Variants in DCUN1D3 observed in about 807,000 individuals in gnomAD.
The protein encoded by DCUN1D3 is DCN1-like protein 3.
Under a neutral mutation model 24.8 loss-of-function variants are expected in DCUN1D3, and 6 were observed. That is an observed-to-expected ratio of 0.24 (90% CI 0.13 to 0.48). DCUN1D3 has a LOEUF of 0.48. Ranked by LOEUF, DCUN1D3 falls within the 20% of genes least tolerant of loss-of-function variation. The pLI, the probability that DCUN1D3 is intolerant of heterozygous loss-of-function variation, is 0.99. For missense variants in DCUN1D3, 258 were observed against 379.4 expected (o/e 0.68, Z 2.66); for synonymous variants, 120 against 144.9 (o/e 0.83, Z 1.24).
intron 1 of DCUN1D3, among the ~76,000 whole-genome samples, chr16:20,889,224 C>CA (rs398028978): frequency 0.6 from 65,750 of 109,556 alleles, 18,973 homozygotes; most frequent in Non-Finnish European, 0.69. Flanking sequence ...GACTCCATCT[C>CA]AAAAAAAAAA....
chr16:20,882,972 G>A (rs1472314189), intron 1 of DCUN1D3, among the ~76,000 whole-genome samples: 2 of 149,256 alleles, frequency 1.3e-5, no homozygotes, highest in African/African-American at 2.5e-5. Flanking sequence ...AAAATATCTT[G>A]TACAGGTTGA....
At chr16:20,874,877 A>G (rs1269683469) in intron 1 of DCUN1D3, among the ~76,000 whole-genome samples, 1 of 152,042 alleles carries the variant, frequency 6.6e-6, no homozygotes, top group Non-Finnish European at 1.5e-5. Context: ...GAGGCCCCAG[A>G]GTACATTAAC....
Position 20,898,813 on chromosome 16 carries a change from G to A in DCUN1D3, c.-106+1391C>T, listed in dbSNP as rs541912083. Among the ~76,000 whole-genome samples, 7 of 152,280 alleles carry A rather than the reference G, an allele frequency of 4.6e-5. 1 individual carries two copies. Among genetic ancestry groups the A allele is most frequent in the South Asian group, 4.1e-4 (2 of 4,822 alleles). ...GTTTCAGATTCTACAAAAGATTTCCGAAGAATGTATCAACACCAAAAGGAA... is the reference window on the plus strand; with the variant it reads ...GTTTCAGATTCTACAAAAGATTTCCAAAGAATGTATCAACACCAAAAGGAA... On this transcript the variant is annotated intron_variant, in intron 1 of 2. Coordinates refer to ENST00000324344, the MANE Select transcript of DCUN1D3 (RefSeq NM_173475.4).
At chr16:20,872,364 C>T (rs577835711) in intron 1 of DCUN1D3, among the ~76,000 whole-genome samples, 4 of 152,106 alleles carry the variant, frequency 2.6e-5, no homozygotes, top group African/African-American at 9.6e-5. Context: ...TTAAAGGGCA[C>T]CTGGATGACC....
At chr16:20,887,617 G>A (rs1042263986) in intron 1 of DCUN1D3, among the ~76,000 whole-genome samples, 9 of 152,160 alleles carry the variant, frequency 5.9e-5, no homozygotes, top group African/African-American at 2.2e-4. Flanking sequence ...AGACTGTCTT[G>A]GTTCTTGAGC....
At chr16:20,863,398 T>C (rs1029592349) in intron 1 of DCUN1D3, among the ~76,000 whole-genome samples, 2 of 152,212 alleles carry the variant, frequency 1.3e-5, no homozygotes, top group Non-Finnish European at 2.9e-5. Flanking sequence ...GTGATTGTCC[T>C]ATAGGGCCTA....
intron 1 of DCUN1D3, among the ~76,000 whole-genome samples, chr16:20,869,235 T>C (rs1475807503): frequency 6.6e-6 from 1 of 152,256 alleles, no homozygotes; most frequent in Non-Finnish European, 1.5e-5. Flanking sequence ...CCCTGTCTTC[T>C]AGGGGCTTAC....
chr16:20,861,006 G>A (rs1436603494), intron 2 of DCUN1D3, among the ~76,000 whole-genome samples: 1 of 152,210 alleles, frequency 6.6e-6, no homozygotes, highest in African/African-American at 2.4e-5. Context: ...CTGAGGTCTG[G>A]AGGGTAACCT....
At chr16:20,895,191 T>C (rs567795516) in intron 1 of DCUN1D3, among the ~76,000 whole-genome samples, 1 of 152,188 alleles carries the variant, frequency 6.6e-6, no homozygotes, top group African/African-American at 2.4e-5. Flanking sequence ...ACTTCCTGGG[T>C]TCAAGCAATT....
chr16:20,883,765 T>C (rs2081856181), intron 1 of DCUN1D3, among the ~76,000 whole-genome samples: 2 of 152,212 alleles, frequency 1.3e-5, no homozygotes, highest in African/African-American at 4.8e-5. Context: ...TTTTTACCTG[T>C]TGCACAACTT....
intron 1 of DCUN1D3, among the ~76,000 whole-genome samples, chr16:20,869,304 T>C (rs959956612): frequency 2.0e-5 from 3 of 152,226 alleles, no homozygotes; most frequent in African/African-American, 7.2e-5. Flanking sequence ...ACTGAGACTC[T>C]GTACAAATGC....
intron 1 of DCUN1D3, among the ~76,000 whole-genome samples, chr16:20,898,723 G>A (rs1026949421): frequency 6.6e-6 from 1 of 152,254 alleles, no homozygotes; most frequent in Non-Finnish European, 1.5e-5. Flanking sequence ...CAGGACTTAC[G>A]GGCACTTTCT....
In DCUN1D3 at chr16:20,856,889, C is replaced by G. The variant is rs1362418483; in HGVS notation, c.*2997G>C. On this transcript the variant is annotated 3_prime_UTR_variant, in exon 3 of 3. Transcript: ENST00000324344. ...GTTTGTTGTTGCCCTCAGATGTTGC[C>G]GATTTCCAAAGTGGCGTCCACATCC... 1 of 152,170 alleles carries G rather than the reference C, an allele frequency of 6.6e-6. No homozygotes were observed. The highest frequency in any genetic ancestry group is 1.5e-5 in the Non-Finnish European group (1 of 68,042). The allele number at this position is 152,170 out of a possible 1,614,324, so 9.4% of individuals were successfully genotyped here. A position where few individuals can be genotyped will look rare whatever the true frequency, so the allele number is the denominator to read the frequency against.
rs1567419600 is a variant in DCUN1D3 at position 20,857,231 on chromosome 16, G to GTC, written c.*2654_*2655insGA. The GTC allele has an allele frequency of 6.6e-6, 1 of 152,202 alleles. No individual in the cohort carries two copies. The highest frequency in any genetic ancestry group is 6.5e-5 in the Admixed American group (1 of 15,280). The allele number at this position is 152,202 out of a possible 1,614,324, so 9.4% of individuals were successfully genotyped here. ...AAGTACTCAAACTTGAAAGGAACTT[G>GTC]TAAGTCCCTCCCTGACTGCTCCCTT... On this transcript the variant is annotated 3_prime_UTR_variant, in exon 3 of 3. Coordinates refer to ENST00000324344, the MANE Select transcript of DCUN1D3 (RefSeq NM_173475.4).
At chr16:20,897,848 G>A (rs2081923676) in intron 1 of DCUN1D3, among the ~76,000 whole-genome samples, 1 of 152,170 alleles carries the variant, frequency 6.6e-6, no homozygotes, top group Non-Finnish European at 1.5e-5. Context: ...TCAGCAGAGT[G>A]ACTTTATTAT....
intron 1 of DCUN1D3, among the ~76,000 whole-genome samples, chr16:20,873,107 C>T (rs1482500604): frequency 2.1e-5 from 3 of 144,188 alleles, no homozygotes; most frequent in African/African-American, 5.2e-5. Flanking sequence ...GGCTACAGAG[C>T]GAGACTCTGT....
chr16:20,896,680 C>A, intron 1 of DCUN1D3, among the ~76,000 whole-genome samples: 1 of 152,072 alleles, frequency 6.6e-6, no homozygotes. Context: ...CTTAATAACC[C>A]ATCAGATAGA....
intron 1 of DCUN1D3, among the ~76,000 whole-genome samples, chr16:20,892,796 C>T (rs1433857796): frequency 6.6e-6 from 1 of 152,154 alleles, no homozygotes. Flanking sequence ...AATGCCTCAA[C>T]TCCTATTTGA....
intron 1 of DCUN1D3, chr16:20,896,480 A>G (rs980722154): frequency 6.6e-6 from 1 of 152,146 alleles, no homozygotes; most frequent in Non-Finnish European, 1.5e-5. Flanking sequence ...TCTTTCCCCA[A>G]ACACAATTAG....
Sources: allele counts gnomAD v4.1 joint callset (sites outside exome capture counted in the v4.1 genomes callset), GRCh38; gene constraint gnomAD v4.1.1; transcripts MANE v1.5; gene names NCBI Gene and HGNC (gene_info 2026-07-23, HGNC 2026-07-21).